The following DNAJA4 variants were observed in gnomAD, a reference collection of about 807,000 sequenced individuals.
DNAJA4 encodes dnaJ homolog subfamily A member 4.
DNAJA4 carries 32 observed loss-of-function variants against 39.7 expected under a neutral mutation model. The ratio of observed to expected loss-of-function variants is 0.81; its 90% confidence interval spans 0.61 to 1.08. The LOEUF (loss-of-function observed/expected upper bound fraction) is 1.08. Ranked by LOEUF, DNAJA4 falls within the 50% of genes least tolerant of loss-of-function variation. The pLI, the probability that DNAJA4 is intolerant of heterozygous loss-of-function variation, is 0.00. For synonymous variants in DNAJA4, 184 were observed against 182.4 expected (o/e 1.01, Z -0.07); for missense variants, 439 against 505.1 (o/e 0.87, Z 1.25).
intron 1 of DNAJA4, among the ~76,000 whole-genome samples, chr15:78,268,173 G>A (rs1469895510): frequency 2.0e-5 from 3 of 152,128 alleles, no homozygotes; most frequent in African/African-American, 4.8e-5. Context: ...GAGTGTTTCC[G>A]GTGGACGTTC....
At chr15:78,274,530 A>T (rs1171927726) in intron 4 of DNAJA4, 106 bp downstream of exon 4, 1 of 951,024 alleles carries the variant, frequency 1.1e-6, no homozygotes, top group Admixed American at 2.0e-5. Flanking sequence ...GTATCACAAC[A>T]TGTATTGGGT....
Position 78,264,860 on chromosome 15 carries a change from T to C in DNAJA4, c.97T>C (p.Tyr33His). ...GGCCTATCGGAAGCTGGCGCTCAAG[T>C]ACCACCCGGACAAGAACCCGGATGA... ...KKAYRKLALKYHPDKNPDEGE... is the reference protein window; with the variant it reads ...KKAYRKLALKHHPDKNPDEGE... The change falls in exon 1 of 7, where the codon TAC becomes CAC. Residue 33 changes from tyrosine (Y) to histidine (H), a missense_variant. Tyr to His is a moderately conservative substitution (Grantham distance 83). Coordinates refer to ENST00000394852, the MANE Select transcript of DNAJA4 (RefSeq NM_001130182.2). 1 of 1,605,064 alleles carries C rather than the reference T, an allele frequency of 6.2e-7. No individual in the cohort carries two copies. Among genetic ancestry groups the C allele is most frequent in the Non-Finnish European group, 8.5e-7 (1 of 1,176,350 alleles).
chr15:78,276,754 G>A (rs189698028), intron 5 of DNAJA4, among the ~76,000 whole-genome samples: 57 of 152,334 alleles, frequency 3.7e-4, no homozygotes, highest in African/African-American at 1.3e-3. Flanking sequence ...GGTGCAAAAG[G>A]GGTAGGTTCA....
intron 1 of DNAJA4, chr15:78,270,187 C>T (rs2049255290): frequency 4.2e-6 from 1 of 240,664 alleles, no homozygotes; most frequent in Non-Finnish European, 8.0e-6. Context: ...CTCATGGTAT[C>T]CTAGCTGGTC....
intron 2 of DNAJA4, among the ~76,000 whole-genome samples, chr15:78,272,711 C>T (rs1307821086): frequency 6.6e-6 from 1 of 152,240 alleles, no homozygotes; most frequent in Non-Finnish European, 1.5e-5. Context: ...GGCTGCCAAA[C>T]ATTTATGTAT....
intron 3 of DNAJA4, 26 bp downstream of exon 3, chr15:78,273,225 G>GC: frequency 4.0e-6 from 5 of 1,248,728 alleles, no homozygotes; most frequent in Non-Finnish European, 5.9e-6. Flanking sequence ...TGACTGAACC[G>GC]CACAGTTCTG....
intron 1 of DNAJA4, among the ~76,000 whole-genome samples, chr15:78,269,286 G>A (rs934532146): frequency 2.0e-5 from 3 of 152,176 alleles, no homozygotes; most frequent in African/African-American, 7.2e-5. Context: ...GGAAGACCAC[G>A]GAGGAGGCCA....
rs1458885867 is a variant in DNAJA4, at chr15:78,279,645, C to T, written c.878-400C>T. On this transcript the variant is annotated intron_variant, in intron 5 of 6. Coordinates refer to ENST00000394852, the MANE Select transcript of DNAJA4 (RefSeq NM_001130182.2). The surrounding 1 kb of genome is among the most constrained non-coding windows in gnomAD (Gnocchi z 4.5). The stretch of plus-strand genomic sequence containing the variant: ...GGTTGGACTCTATTGAGGCTTCTTC[C>T]TGTCTGTGGGGAGCACTCCTGTCCC... 2.5e-5 allele frequency: 5 copies of T among 198,972 alleles called. No homozygotes were observed. The East Asian group carries it at 6.1e-4, about 24-fold the overall frequency. 12.3% of individuals were successfully genotyped at this position (198,972 alleles called of 1,614,324 possible).
intron 1 of DNAJA4, chr15:78,266,072 C>T (rs959446928): frequency 1.6e-6 from 1 of 628,140 alleles, no homozygotes; most frequent in Non-Finnish European, 2.7e-6. Flanking sequence ...TGCGTTCTTT[C>T]TCATCTATAT....
At chr15:78,264,531 T>A (rs1018575768), upstream of DNAJA4, 1 of 1,211,530 alleles carries the variant, frequency 8.3e-7, no homozygotes, top group East Asian at 3.4e-5. Context: ...CGGCGCCGAA[T>A]AAAACCCGCC....
chr15:78,265,016 T>G, intron 1 of DNAJA4, 121 bp downstream of exon 1: 1 of 1,208,350 alleles, frequency 8.3e-7, no homozygotes, highest in Non-Finnish European at 1.1e-6. Flanking sequence ...GCCAGGCGCC[T>G]CGGGGCCAGG....
chr15:78,270,608 T>C lies in DNAJA4; in HGVS notation c.244T>C (p.Phe82Leu), dbSNP rs2049267161. 1 of 1,614,228 alleles carries C rather than the reference T, an allele frequency of 6.2e-7. No homozygotes were observed. Among genetic ancestry groups the C allele is most frequent in the Non-Finnish European group, 8.5e-7 (1 of 1,180,044 alleles). ...IKEGGSGSPS[F>L]SSPMDIFDMF... ...AGAAGGAGGCTCAGGCAGCCCCAGC[T>C]TCTCTTCACCCATGGACATCTTTGA... Residue 82 changes from phenylalanine to leucine, a missense_variant, in exon 2 of 7, where the codon TTC becomes CTC. Coordinates refer to ENST00000394852, the MANE Select transcript of DNAJA4 (RefSeq NM_001130182.2).
In DNAJA4 at chr15:78,279,718, G is replaced by T; in HGVS notation, c.878-327G>T. Reference sequence around the variant, plus strand: ...ACCCCACAAAGAGGCAGGGTGACAGGTGTTGGCCCCATTTTAGGCAGACTT... The same window carrying T: ...ACCCCACAAAGAGGCAGGGTGACAGTTGTTGGCCCCATTTTAGGCAGACTT... On this transcript the variant is annotated intron_variant, in intron 5 of 6. Coordinates refer to ENST00000394852, the MANE Select transcript of DNAJA4 (RefSeq NM_001130182.2). This position sits in a 1 kb window ranked among gnomAD's most constrained non-coding sequence, Gnocchi z 4.5. The T allele has an allele frequency of 5.6e-6, 2 of 359,176 alleles. No individual in the cohort carries two copies. The highest frequency in any genetic ancestry group is 1.0e-5 in the Non-Finnish European group (2 of 196,010). The allele number at this position is 359,176 out of a possible 1,614,324, so 22.2% of individuals were successfully genotyped here. A position where few individuals can be genotyped will look rare whatever the true frequency, so the allele number is the denominator to read the frequency against.
intron 5 of DNAJA4, 58 bp downstream of exon 5, chr15:78,275,786 G>T: frequency 7.8e-7 from 1 of 1,279,608 alleles, no homozygotes; most frequent in South Asian, 1.3e-5. Context: ...AATAATTCTG[G>T]CAAGTTAGCC....
chr15:78,271,590 C>G (rs1333028229), intron 2 of DNAJA4, among the ~76,000 whole-genome samples: 1 of 152,162 alleles, frequency 6.6e-6, no homozygotes, highest in Non-Finnish European at 1.5e-5. Context: ...AACTTCATCC[C>G]CAGGAGGTGA....
rs1245104045 is a variant in DNAJA4, at chr15:78,280,355, G to A, written c.1089G>A (p.Glu363=). Reference sequence around the variant, plus strand: ...TTACAGATGACATGGATCAGGTGGAGCTGAAGGAGTTTTGTCCCAATGAGC... The same window carrying A: ...TTACAGATGACATGGATCAGGTGGAACTGAAGGAGTTTTGTCCCAATGAGC... ...VRITDDMDQV[E]LKEFCPNEQN... Residue 363 remains glutamate (E), a synonymous_variant, in exon 7 of 7, where the codon GAG becomes GAA. Coordinates refer to ENST00000394852, the MANE Select transcript of DNAJA4 (RefSeq NM_001130182.2). The A allele has an allele frequency of 1.2e-6, 2 of 1,614,250 alleles. No homozygotes were observed. Among genetic ancestry groups the A allele is most frequent in the Non-Finnish European group, 8.5e-7 (1 of 1,180,040 alleles).
chr15:78,272,620 T>C (rs1043752906), intron 2 of DNAJA4, among the ~76,000 whole-genome samples: 3 of 152,180 alleles, frequency 2.0e-5, no homozygotes, highest in African/African-American at 7.2e-5. Flanking sequence ...GAGGAAAGAA[T>C]TCCCATTTGG....
At position 78,275,597 on chromosome 15, in the gene DNAJA4, A is replaced by G. The variant is rs771150154; in HGVS notation, c.746A>G (p.His249Arg). 3.7e-6 allele frequency: 6 copies of G among 1,614,096 alleles called. No homozygotes were observed. The South Asian group carries it at 6.6e-5, about 18-fold the overall frequency. The change falls in exon 5 of 7, where the codon CAT (histidine) becomes CGT (arginine). Residue 249 changes from histidine (H) to arginine (R), a missense_variant. His to Arg is a conservative substitution (Grantham distance 29). Transcript: ENST00000394852. The part of the protein sequence containing the change: ...DVIIVLDQKD[H>R]SVFQRRGHDL... ...ATAATTGTGCTTGATCAGAAGGATC[A>G]TAGTGTCTTTCAGAGACGAGGCCAT...
At chr15:78,266,106 A>G in intron 1 of DNAJA4, 2 of 792,814 alleles carry the variant, frequency 2.5e-6, no homozygotes, top group Non-Finnish European at 4.0e-6. Flanking sequence ...TGTAGCTTTT[A>G]AAGGCACTGG....
Sources: gnomAD v4.1 joint callset for allele counts (sites outside exome capture counted in the v4.1 genomes callset) on GRCh38, gnomAD v4.1.1 for gene constraint, Gnocchi (gnomAD v3.1) non-coding constraint, MANE v1.5 for transcripts, NCBI Gene and HGNC (gene_info 2026-07-23, HGNC 2026-07-21) for gene names.